Variants in AFG3L2 observed in about 807,000 individuals in gnomAD.
AFG3L2 encodes the protein AFG3 like matrix AAA peptidase subunit 2.
In AFG3L2, 54 loss-of-function variants were observed where a neutral mutation model predicts 94.5. That is an observed-to-expected ratio of 0.57 (90% CI 0.46 to 0.72). The LOEUF is 0.72. Among genes scored for constraint, AFG3L2 ranks in the 30% least tolerant of loss-of-function variants. AFG3L2 has a pLI of 0.00. For synonymous variants in AFG3L2, 377 were observed against 365.5 expected, an observed-to-expected ratio of 1.03 and a Z score of -0.36; for missense variants, 754 against 994.9, an observed-to-expected ratio of 0.76 and a Z score of 3.26.
intron 8 of AFG3L2, among the ~76,000 whole-genome samples, chr18:12,357,743 G>A (rs982585122): frequency 1.3e-5 from 2 of 152,074 alleles, no homozygotes; most frequent in Non-Finnish European, 2.9e-5. Flanking sequence ...GATTACAGGC[G>A]CACAACACCA....
intron 1 of AFG3L2, among the ~76,000 whole-genome samples, chr18:12,375,029 C>G (rs1346577232): frequency 8.2e-5 from 12 of 146,514 alleles, no homozygotes; most frequent in African/African-American, 2.3e-4. Context: ...GCACTCCAGT[C>G]TGGGCGACAG....
In AFG3L2 at chr18:12,370,931, T is replaced by G. The variant is rs371046479; in HGVS notation, c.215-5A>C. The G allele has an allele frequency of 6.9e-4, 1,032 of 1,501,030 alleles. 21 individuals carry two copies. The South Asian group carries it at 0.011, about 16-fold the overall frequency. The allele number at this position is 1,501,030 out of a possible 1,614,324, so 93.0% of individuals were successfully genotyped here. A position where few individuals can be genotyped will look rare whatever the true frequency, so the allele number is the denominator to read the frequency against. ...TAGGAAAGTATTTTTCAAATCCTGT[T>G]AGAAAAAGAAAAAAAATACTTATCT... On this transcript the variant is annotated splice_region_variant and splice_polypyrimidine_tract_variant and intron_variant, in intron 2 of 16. Transcript: ENST00000269143.
chr18:12,363,387 G>A (rs1005346072), intron 6 of AFG3L2, among the ~76,000 whole-genome samples: 4 of 152,156 alleles, frequency 2.6e-5, no homozygotes, highest in African/African-American at 9.7e-5. Context: ...GGGAGATGGT[G>A]GGGATGCTTT....
At chr18:12,332,978 TATAA>T (rs1218256353) in intron 16 of AFG3L2, among the ~76,000 whole-genome samples, 4 of 31,822 alleles carry the variant, frequency 1.3e-4, no homozygotes, top group Non-Finnish European at 2.5e-4. Flanking sequence ...TTATATATTA[TATAA>T]ATATATTATA....
intron 12 of AFG3L2, among the ~76,000 whole-genome samples, chr18:12,349,245 T>C (rs778831511): frequency 6.6e-6 from 1 of 152,066 alleles, no homozygotes; most frequent in Non-Finnish European, 1.5e-5. Context: ...AGGATGGCTG[T>C]AATAAAAAGA....
intron 1 of AFG3L2, among the ~76,000 whole-genome samples, chr18:12,376,617 C>G (rs1344133937): frequency 1.3e-5 from 2 of 152,238 alleles, no homozygotes; most frequent in African/African-American, 4.8e-5. Flanking sequence ...GCTCGTGCTG[C>G]TGACTCAAAA....
At position 12,360,536 on chromosome 18, in the gene AFG3L2, G is replaced by T. The variant is rs552805434; in HGVS notation, c.628-485C>A. 4.6e-5 allele frequency among the ~76,000 whole-genome samples: 7 copies of T among 152,224 alleles called. No homozygotes were observed. In the South Asian group the frequency reaches 1.4e-3, roughly 32 times the overall value. On this transcript the variant is annotated intron_variant, in intron 6 of 16. Transcript: ENST00000269143. The stretch of plus-strand genomic sequence containing the variant: ...TCCTGAGGACCATCCTAAGAAGCAG[G>T]TGCCATCACTGGGGGTGATGTTCAA...
chr18:12,332,425 A>G (rs1489064510), intron 16 of AFG3L2, among the ~76,000 whole-genome samples: 1 of 152,016 alleles, frequency 6.6e-6, no homozygotes, highest in Non-Finnish European at 1.5e-5. Context: ...ATAACTCCTT[A>G]CTCTGAAATT....
intron 16 of AFG3L2, among the ~76,000 whole-genome samples, chr18:12,332,656 A>G (rs1221467192): frequency 6.9e-6 from 1 of 144,300 alleles, no homozygotes; most frequent in Non-Finnish European, 1.5e-5. Flanking sequence ...CCCAGATGTC[A>G]TATCATTTTA....
chr18:12,368,903 G>A (rs540482249), intron 3 of AFG3L2, among the ~76,000 whole-genome samples: 3 of 152,158 alleles, frequency 2.0e-5, no homozygotes, highest in South Asian at 2.1e-4. Flanking sequence ...CACCCGGACC[G>A]AATACACTTC....
chr18:12,356,777 T>C lies in AFG3L2; in HGVS notation c.1081A>G (p.Thr361Ala). Reference protein sequence around the residue: ...GTGKTLLAKATAGEANVPFIT... With the variant: ...GTGKTLLAKAAAGEANVPFIT... ...AAGGGGACATTGGCTTCTCCGGCTG[T>C]GGCCTTAGCTAGCAGCGTCTTCCCA... is the stretch of plus-strand genomic sequence containing the variant. Residue 361 changes from threonine to alanine, a missense_variant, in exon 9 of 17, where the codon ACA becomes GCA. This residue lies in a region of AFG3L2 where 109 missense variants were observed against 227.1 expected (regional missense o/e 0.48). Coordinates refer to ENST00000269143, the MANE Select transcript of AFG3L2 (RefSeq NM_006796.3). 8 of 1,614,240 alleles carry C rather than the reference T, an allele frequency of 5.0e-6. No homozygotes were observed. The highest frequency in any genetic ancestry group is 5.9e-6 in the Non-Finnish European group (7 of 1,180,044).
intron 16 of AFG3L2, among the ~76,000 whole-genome samples, chr18:12,333,663 C>G (rs2143096699): frequency 6.6e-6 from 1 of 152,212 alleles, no homozygotes; most frequent in East Asian, 1.9e-4. Flanking sequence ...CAGTTCTTGG[C>G]CAAAATATTA....
Position 12,363,786 on chromosome 18 carries a change from T to C in AFG3L2, c.623A>G (p.Asp208Gly). ...TCAATTAATAAAATGATTTACCCCA[T>C]CAACAGGAGTTTTTCCTGGTGTAAA... The part of the protein sequence containing the change: ...VTFTPGKTPV[D>G]GQYVWFNIGS... The change falls in exon 6 of 17, where the codon GAT (aspartate) becomes GGT (glycine). Residue 208 changes from aspartate (D) to glycine (G), a missense_variant. Asp to Gly is a moderately conservative substitution (Grantham distance 94). Coordinates refer to ENST00000269143, the MANE Select transcript of AFG3L2 (RefSeq NM_006796.3). 1.2e-6 allele frequency: 2 copies of C among 1,611,038 alleles called. No individual in the cohort carries two copies. Among genetic ancestry groups the C allele is most frequent in the Non-Finnish European group, 1.7e-6 (2 of 1,178,190 alleles).
Position 12,335,539 on chromosome 18 carries a change from C to A in AFG3L2, c.2175+1802G>T, listed in dbSNP as rs570645422. On this transcript the variant is annotated intron_variant, in intron 16 of 16. Transcript: ENST00000269143. ...AGCAGGGACCACAGATCCCCTGTAA[C>A]TGGTGTTTCTTTTTCCCTGGGTACA... Among the ~76,000 whole-genome samples, 3 of 152,200 alleles carry A rather than the reference C, an allele frequency of 2.0e-5. No homozygotes were observed. The East Asian group carries it at 5.8e-4, about 29-fold the overall frequency.
chr18:12,329,916 G>A (rs1368166201), intron 16 of AFG3L2, 133 bp from the exon 17 acceptor site: 7 of 791,102 alleles, frequency 8.8e-6, no homozygotes, highest in Non-Finnish European at 4.1e-6. Context: ...TCATACATAA[G>A]GTTGCATAGT....
At chr18:12,356,628 T>C (rs538865814) in intron 9 of AFG3L2, 66 bp downstream of exon 9, 7 of 1,609,150 alleles carry the variant, frequency 4.4e-6, no homozygotes, top group Non-Finnish European at 6.0e-6. Context: ...CTCTAGCAAG[T>C]GCCTCCATCT....
At chr18:12,344,529 C>T (rs879374463) in intron 13 of AFG3L2, among the ~76,000 whole-genome samples, 1 of 151,998 alleles carries the variant, frequency 6.6e-6, no homozygotes, top group Non-Finnish European at 1.5e-5. Context: ...ACAAAATTAG[C>T]CAGGCGTCGT....
intron 14 of AFG3L2, chr18:12,341,161 G>A (rs1042981475): frequency 3.3e-5 from 5 of 152,128 alleles, no homozygotes; most frequent in African/African-American, 4.8e-5. Context: ...CTCTGCTGTC[G>A]GACGTGGCCA....
At chr18:12,369,343 G>A (rs141631479) in intron 3 of AFG3L2, among the ~76,000 whole-genome samples, 61 of 152,184 alleles carry the variant, frequency 4.0e-4, no homozygotes, top group African/African-American at 1.3e-3. Context: ...CCACACCAGT[G>A]CTTCTCCCTC....
Sources: allele counts gnomAD v4.1 joint callset (sites outside exome capture counted in the v4.1 genomes callset), GRCh38; gene constraint gnomAD v4.1.1; regional missense constraint gnomAD v4.1.1; transcripts MANE v1.5; gene names NCBI Gene and HGNC (gene_info 2026-07-23, HGNC 2026-07-21).